Variants in FBN1 observed in about 807,000 individuals in gnomAD.
The protein encoded by FBN1 is fibrillin 1.
A neutral mutation model predicts 365.1 loss-of-function variants in FBN1; 29 were observed. The ratio of observed to expected loss-of-function variants is 0.08; its 90% CI spans 0.06 to 0.11. The LOEUF (loss-of-function observed/expected upper bound fraction) is 0.11, where lower values mean the gene tolerates loss of function less well. Ranked by LOEUF, FBN1 falls within the 10% of genes least tolerant of loss-of-function variation. The pLI, the probability that FBN1 is intolerant of heterozygous loss-of-function variation, is 1.00. For synonymous variants in FBN1, 1,210 were observed against 1,270.5 expected, an observed-to-expected ratio of 0.95 and a Z score of 1.01; for missense variants, 2,476 against 3,703.2, an observed-to-expected ratio of 0.67 and a Z score of 8.60.
chr15:48,466,313 G>C (rs2043321389), intron 38 of FBN1, among the ~76,000 whole-genome samples: 1 of 152,232 alleles, frequency 6.6e-6, no homozygotes, highest in Admixed American at 6.5e-5. Flanking sequence ...GCTGTTCTCT[G>C]TTGATTCCCA....
At chr15:48,467,790 T>G in intron 38 of FBN1, 148 bp downstream of exon 38, 1 of 744,308 alleles carries the variant, frequency 1.3e-6, no homozygotes, top group East Asian at 2.6e-5. Context: ...ATTTTCTGAC[T>G]CTCGAATTGG....
intron 12 of FBN1, among the ~76,000 whole-genome samples, chr15:48,515,152 G>A (rs909138106): frequency 6.6e-6 from 1 of 152,172 alleles, no homozygotes; most frequent in African/African-American, 2.4e-5. Context: ...AAGGCAAAGA[G>A]ATGGATTCCT....
At chr15:48,425,217 C>T in intron 60 of FBN1, 152 bp downstream of exon 60, 1 of 1,019,416 alleles carries the variant, frequency 9.8e-7, no homozygotes, top group South Asian at 1.3e-5. Flanking sequence ...CCCTCCAGCA[C>T]AGGAGGTAGG....
chr15:48,541,385 T>C (rs1566923110), intron 6 of FBN1, among the ~76,000 whole-genome samples: 2 of 152,346 alleles, frequency 1.3e-5, no homozygotes, highest in East Asian at 1.9e-4. Context: ...TATTTGACAG[T>C]ACAGATTAGC....
intron 4 of FBN1, among the ~76,000 whole-genome samples, chr15:48,601,096 A>G (rs758300828): frequency 6.6e-6 from 1 of 152,170 alleles, no homozygotes; most frequent in African/African-American, 2.4e-5. Context: ...CTCAAACTAA[A>G]TAAGATCCTC....
At chr15:48,549,965 A>G (rs2044128816) in intron 6 of FBN1, among the ~76,000 whole-genome samples, 1 of 152,234 alleles carries the variant, frequency 6.6e-6, no homozygotes, top group Admixed American at 6.5e-5. Flanking sequence ...AGTAACACAT[A>G]CCGTCCTGGT....
chr15:48,527,155 T>C (rs1248812694), intron 8 of FBN1, among the ~76,000 whole-genome samples: 1 of 152,198 alleles, frequency 6.6e-6, no homozygotes, highest in Non-Finnish European at 1.5e-5. Flanking sequence ...CTTCTGCAGG[T>C]GTTGATCCCA....
intron 19 of FBN1, among the ~76,000 whole-genome samples, chr15:48,496,940 C>T (rs1199944660): frequency 6.6e-6 from 1 of 152,168 alleles, no homozygotes; most frequent in Non-Finnish European, 1.5e-5. Flanking sequence ...TCAAGGTTGA[C>T]TTTGTAGTCA....
chr15:48,438,237 G>C (rs62011392), intron 50 of FBN1, among the ~76,000 whole-genome samples: 43 of 152,118 alleles, frequency 2.8e-4, no homozygotes, highest in Non-Finnish European at 5.1e-4. Flanking sequence ...AGTGACTTCA[G>C]GATTGGAAAG....
intron 63 of FBN1, among the ~76,000 whole-genome samples, chr15:48,420,129 A>G (rs541119103): frequency 1.3e-5 from 2 of 152,066 alleles, no homozygotes; most frequent in Non-Finnish European, 2.9e-5. Context: ...AGATGACATC[A>G]TTTCAATTTA....
At chr15:48,605,213 G>A (rs2044597788) in intron 4 of FBN1, among the ~76,000 whole-genome samples, 1 of 147,938 alleles carries the variant, frequency 6.8e-6, no homozygotes, top group East Asian at 3.3e-4. Context: ...AGGATAAAGT[G>A]GGGAAGATCT....
Position 48,469,968 on chromosome 15 carries a change from G to A in FBN1, c.4459+666C>T, listed in dbSNP as rs535702862. Among the ~76,000 whole-genome samples the A allele has an allele frequency of 6.8e-4, 104 of 152,160 alleles. 1 individual carries two copies. Among genetic ancestry groups the A allele is most frequent in the African/African-American group, 2.2e-3 (91 of 41,522 alleles). ...GGTTGAAAAGACCAGATTTTTTCCG[G>A]AAATTTGAACTCATACAGAACATAA... On this transcript the variant is annotated intron_variant, in intron 36 of 65. Transcript: ENST00000316623.
chr15:48,592,644 GAA>G (rs1220852092), intron 6 of FBN1, among the ~76,000 whole-genome samples: 1 of 151,838 alleles, frequency 6.6e-6, no homozygotes, highest in Admixed American at 6.6e-5. Flanking sequence ...CCACAAATGT[GAA>G]CTTACCAAAA....
At chr15:48,437,541 A>T (rs2043083077) in intron 51 of FBN1, 154 bp from the exon 52 acceptor site, 3 of 825,202 alleles carry the variant, frequency 3.6e-6, no homozygotes, top group Admixed American at 2.0e-5. Flanking sequence ...ATTTAACGAG[A>T]CTCCCTAAGA....
At chr15:48,426,538 G>A (rs866293355) in intron 58 of FBN1, among the ~76,000 whole-genome samples, 1 of 152,008 alleles carries the variant, frequency 6.6e-6, no homozygotes, top group South Asian at 2.1e-4. Context: ...AATATGCACT[G>A]TTGAGCATTA....
At chr15:48,414,716 G>A (rs1429857076) in intron 64 of FBN1, among the ~76,000 whole-genome samples, 1 of 152,098 alleles carries the variant, frequency 6.6e-6, no homozygotes, top group Non-Finnish European at 1.5e-5. Flanking sequence ...CTAACACGGT[G>A]AAACCCCGTT....
intron 6 of FBN1, among the ~76,000 whole-genome samples, chr15:48,541,744 C>A (rs201817162): frequency 2.7e-5 from 3 of 110,670 alleles, no homozygotes; most frequent in African/African-American, 1.3e-4. Context: ...TTTTTTTTTT[C>A]AGATAGTCTC....
intron 55 of FBN1, 123 bp downstream of exon 55, chr15:48,432,743 T>C: frequency 1.5e-6 from 2 of 1,299,216 alleles, no homozygotes; most frequent in South Asian, 2.4e-5. Flanking sequence ...ACAACCCCCG[T>C]ATTGTCCACG....
intron 4 of FBN1, among the ~76,000 whole-genome samples, chr15:48,603,738 CTCAA>C (rs1442036615): frequency 6.6e-6 from 1 of 152,142 alleles, no homozygotes; most frequent in African/African-American, 2.4e-5. Context: ...TATTCCTAAA[CTCAA>C]TCTGTGTTAA....
Sources: allele counts gnomAD v4.1 joint callset (sites outside exome capture counted in the v4.1 genomes callset), GRCh38; gene constraint gnomAD v4.1.1; transcripts MANE v1.5; gene names NCBI Gene and HGNC (gene_info 2026-07-23, HGNC 2026-07-21).